Variants in TBX5 observed in about 807,000 individuals in gnomAD.
TBX5 encodes T-box transcription factor 5.
A neutral mutation model predicts 51.1 loss-of-function variants in TBX5; 8 were observed. The observed-to-expected ratio is 0.16, with a 90% CI of 0.09 to 0.28. The LOEUF is 0.28. TBX5 is among the 10% of genes least tolerant of loss of function. TBX5 has a pLI of 1.00. For synonymous variants in TBX5, 302 were observed against 266.4 expected, an observed-to-expected ratio of 1.13 and a Z score of -1.30; for missense variants, 589 against 671.7, an observed-to-expected ratio of 0.88 and a Z score of 1.36.
chr12:114,382,931 C>A (rs1283268108), intron 7 of TBX5, among the ~76,000 whole-genome samples: 1 of 148,100 alleles, frequency 6.8e-6, no homozygotes, highest in Non-Finnish European at 1.5e-5. Context: ...GACCTGAGAT[C>A]GTGCCACTGC....
intron 1 of TBX5, among the ~76,000 whole-genome samples, chr12:114,405,254 G>A (rs1191824618): frequency 6.6e-6 from 1 of 152,050 alleles, no homozygotes; most frequent in Non-Finnish European, 1.5e-5. Flanking sequence ...GCGGCGACTG[G>A]AGCCCCGCTG....
intron 7 of TBX5, among the ~76,000 whole-genome samples, chr12:114,384,053 C>T (rs971039010): frequency 1.3e-5 from 2 of 152,202 alleles, no homozygotes; most frequent in Admixed American, 6.5e-5. Flanking sequence ...TTGTTGTCAT[C>T]TTTTCCACTG....
intron 7 of TBX5, among the ~76,000 whole-genome samples, chr12:114,384,746 A>ACACACACACACACAC (rs1870707928): frequency 2.2e-5 from 1 of 45,100 alleles, no homozygotes; most frequent in African/African-American, 7.2e-5. Flanking sequence ...CACACACACA[A>ACACACACACACACAC]CACACACACA....
At chr12:114,366,123 G>T in intron 8 of TBX5, 42 bp downstream of exon 8, 1 of 1,600,952 alleles carries the variant, frequency 6.2e-7, no homozygotes, top group Non-Finnish European at 8.6e-7. Flanking sequence ...GAAAGGAAAA[G>T]GTAAGAAAGA....
rs1593835269 is a variant in TBX5 at position 114,355,265 on chromosome 12, T to G, written c.*267A>C. 3.9e-6 allele frequency: 2 copies of G among 508,584 alleles called. No individual in the cohort carries two copies. Among genetic ancestry groups the G allele is most frequent in the South Asian group, 1.8e-5 (1 of 54,592 alleles). 31.5% of individuals were successfully genotyped at this position (508,584 alleles called of 1,614,324 possible). On this transcript the variant is annotated 3_prime_UTR_variant, in exon 9 of 9. Transcript: ENST00000405440. ...AGCGTGAATGTGGCTGGTTGATGGG[T>G]GTGGTGGTAGTGGGGGGTGGGACTC...
chr12:114,375,792 C>A (rs1870153780), intron 7 of TBX5, among the ~76,000 whole-genome samples: 1 of 152,120 alleles, frequency 6.6e-6, no homozygotes, highest in South Asian at 2.1e-4. Context: ...TTCTGTCATC[C>A]CAGCACTTTG....
intron 7 of TBX5, among the ~76,000 whole-genome samples, chr12:114,381,323 C>T (rs1012116580): frequency 2.6e-5 from 4 of 152,074 alleles, no homozygotes; most frequent in South Asian, 2.1e-4. Context: ...CAGCTGTCAC[C>T]GGGTGTGTAG....
intron 2 of TBX5, among the ~76,000 whole-genome samples, chr12:114,402,266 C>CCAAA (rs922558703): frequency 1.3e-5 from 2 of 151,836 alleles, no homozygotes; most frequent in African/African-American, 2.4e-5. Flanking sequence ...AAAAAACCAA[C>CCAAA]CAAACAAACA....
In TBX5 at chr12:114,360,436, G is replaced by GTGGGTGGATGGA. The variant is rs1253504157; in HGVS notation, c.983-4342_983-4331dup. Reference sequence around the variant, plus strand: ...AATGAGTGGGAGGATTGGTGGATGAGTGGGTGGATGGATGGGTGGTTGGAT... The same window carrying GTGGGTGGATGGA: ...AATGAGTGGGAGGATTGGTGGATGAGTGGGTGGATGGATGGGTGGATGGATGGGTGGTTGGAT... On this transcript the variant is annotated intron_variant, in intron 8 of 8. Transcript: ENST00000405440. Among the ~76,000 whole-genome samples the GTGGGTGGATGGA allele has an allele frequency of 4.0e-5, 6 of 151,262 alleles. No homozygotes were observed. The East Asian group carries it at 1.2e-3, about 30-fold the overall frequency.
chr12:114,379,455 T>C (rs1020438135), intron 7 of TBX5, among the ~76,000 whole-genome samples: 1 of 152,186 alleles, frequency 6.6e-6, no homozygotes, highest in Admixed American at 6.5e-5. Flanking sequence ...GTGAGCCACT[T>C]TGGCTGGCCT....
At chr12:114,397,860 T>C (rs1183810169) in intron 5 of TBX5, among the ~76,000 whole-genome samples, 3 of 152,190 alleles carry the variant, frequency 2.0e-5, no homozygotes, top group Non-Finnish European at 4.4e-5. Context: ...ATTTCCCATC[T>C]GGAAAAGAGG....
At chr12:114,389,180 G>C (rs1309328643) in intron 6 of TBX5, among the ~76,000 whole-genome samples, 1 of 151,744 alleles carries the variant, frequency 6.6e-6, no homozygotes, top group African/African-American at 2.4e-5. Flanking sequence ...CACCCACCTC[G>C]GCCTCCCAAA....
chr12:114,355,654 G>T lies in TBX5; in HGVS notation c.1435C>A (p.Pro479Thr), dbSNP rs1205324116. The stretch of plus-strand genomic sequence containing the variant: ...AACTCAGGGGGCTGAAGGGTGCCAG[G>T]GGACTGCAGGCCAGTCTGAGGCCCA... ...QCGPQTGLQSPGTLQPPEFLY... is the reference protein window; with the variant it reads ...QCGPQTGLQSTGTLQPPEFLY... The change falls in exon 9 of 9, where the codon CCT (proline) becomes ACT (threonine). Residue 479 changes from proline (P) to threonine (T), a missense_variant. This residue lies in a region of TBX5 where 348 missense variants were observed against 360.4 expected (regional missense o/e 0.97). Transcript: ENST00000405440. 1.9e-6 allele frequency: 3 copies of T among 1,614,072 alleles called. No individual in the cohort carries two copies. The highest frequency in any genetic ancestry group is 2.5e-6 in the Non-Finnish European group (3 of 1,180,046).
intron 5 of TBX5, among the ~76,000 whole-genome samples, chr12:114,397,376 T>C (rs1165349484): frequency 6.6e-6 from 1 of 152,128 alleles, no homozygotes. Flanking sequence ...ATGCCTCCCG[T>C]CCGCCCCCTA....
Position 114,405,813 on chromosome 12 carries a change from A to G in TBX5, c.-224T>C. 1.7e-5 allele frequency: 17 copies of G among 985,468 alleles called. No homozygotes were observed. Among genetic ancestry groups the G allele is most frequent in the Non-Finnish European group, 1.9e-5 (16 of 830,032 alleles). 61.0% of individuals were successfully genotyped at this position (985,468 alleles called of 1,614,324 possible). On this transcript the variant is annotated 5_prime_UTR_variant, in exon 1 of 9. Transcript: ENST00000405440. ...GCTGGAGCCTCCGCGGCGACTGCCCACCTCCAACACACACCTCCTCTGCTG... is the reference window on the plus strand; with the variant it reads ...GCTGGAGCCTCCGCGGCGACTGCCCGCCTCCAACACACACCTCCTCTGCTG...
intron 5 of TBX5, among the ~76,000 whole-genome samples, chr12:114,396,331 G>T (rs1303599646): frequency 1.3e-5 from 2 of 152,054 alleles, no homozygotes. Context: ...GTCCCCGGCC[G>T]GCGGGGCCAT....
chr12:114,408,177 C>G, upstream of TBX5: 3 of 985,420 alleles, frequency 3.0e-6, no homozygotes, highest in Non-Finnish European at 3.6e-6. Flanking sequence ...AAATTTCTCT[C>G]CGTCTTCGCC....
In TBX5 at chr12:114,405,868, T is replaced by C. The variant is rs981860897; in HGVS notation, c.-279A>G. 16 of 985,424 alleles carry C rather than the reference T, an allele frequency of 1.6e-5. No homozygotes were observed. Among genetic ancestry groups the C allele is most frequent in the East Asian group, 1.1e-4 (1 of 8,788 alleles). 61.0% of individuals were successfully genotyped at this position (985,424 alleles called of 1,614,324 possible). A position where few individuals can be genotyped will look rare whatever the true frequency, so the allele number is the denominator to read the frequency against. On this transcript the variant is annotated 5_prime_UTR_variant, in exon 1 of 9. Transcript: ENST00000405440. ...CTTGCTCTCCCTAAATACTTCCCAGTTGGCAAGCGCCAAAGAACACAAAAT... is the reference window on the plus strand; with the variant it reads ...CTTGCTCTCCCTAAATACTTCCCAGCTGGCAAGCGCCAAAGAACACAAAAT...
intron 1 of TBX5, among the ~76,000 whole-genome samples, chr12:114,404,976 T>C (rs1872109876): frequency 1.3e-5 from 2 of 152,210 alleles, no homozygotes; most frequent in Non-Finnish European, 2.9e-5. Flanking sequence ...GCAGAGCTGT[T>C]CAAGCCCGAT....
Sources: allele counts gnomAD v4.1 joint callset (sites outside exome capture counted in the v4.1 genomes callset), GRCh38; gene constraint gnomAD v4.1.1; regional missense constraint gnomAD v4.1.1; transcripts MANE v1.5; gene names NCBI Gene and HGNC (gene_info 2026-07-23, HGNC 2026-07-21).